AMOTL2: variants seen among roughly 807,000 people sequenced by gnomAD.
AMOTL2 encodes the protein angiomotin like 2.
In AMOTL2, 33 loss-of-function variants were observed where a neutral mutation model predicts 78.4. The ratio of observed to expected loss-of-function variants is 0.42; its 90% CI spans 0.32 to 0.56. The LOEUF (loss-of-function observed/expected upper bound fraction) is 0.56, where lower values mean the gene tolerates loss of function less well. AMOTL2 is among the 20% of genes least tolerant of loss of function. AMOTL2 has a pLI of 0.12. For missense variants in AMOTL2, 983 were observed against 1,030.1 expected, an observed-to-expected ratio of 0.95 and a Z score of 0.63; for synonymous variants, 422 against 428.8, an observed-to-expected ratio of 0.98 and a Z score of 0.20.
intron 5 of AMOTL2, among the ~76,000 whole-genome samples, chr3:134,364,294 C>A (rs2017512147): frequency 6.6e-6 from 1 of 152,052 alleles, no homozygotes; most frequent in African/African-American, 2.4e-5. Flanking sequence ...TTAATGGCTC[C>A]AGCGAGGAGC....
At chr3:134,367,362 G>T in intron 3 of AMOTL2, 135 bp downstream of exon 3, 1 of 1,063,218 alleles carries the variant, frequency 9.4e-7, no homozygotes, top group Non-Finnish European at 1.4e-6. Context: ...GAGGGAGGTG[G>T]AAGACAGAGG....
chr3:134,365,859 G>C lies in AMOTL2; in HGVS notation c.1237C>G (p.Gln413Glu), dbSNP rs751234411. The change falls in exon 5 of 10, where the codon CAG (glutamine) becomes GAG (glutamate). Residue 413 changes from glutamine to glutamate, a missense_variant. By Grantham distance (29) the Gln-to-Glu change is conservative (BLOSUM62 2). Transcript: ENST00000249883. ...GCCACCATGTCCTGACTGCCGGCCT[G>C]GGCCTCCTGTGTCTTGCTTGCCAGG... is the stretch of plus-strand genomic sequence containing the variant. ...RRLASKTQEA[Q>E]AGSQDMVAKL... 1.2e-6 allele frequency: 2 copies of C among 1,614,184 alleles called. No individual in the cohort carries two copies. The highest frequency in any genetic ancestry group is 8.5e-7 in the Non-Finnish European group (1 of 1,180,028).
Position 134,371,033 on chromosome 3 carries a change from C to T in AMOTL2, c.401G>A (p.Arg134His), listed in dbSNP as rs775267946. The T allele has an allele frequency of 3.1e-6, 5 of 1,606,118 alleles. No individual in the cohort carries two copies. The highest frequency in any genetic ancestry group is 4.5e-5 in the East Asian group (2 of 44,498). Residue 134 changes from arginine (R) to histidine (H), a missense_variant, in exon 2 of 10, where the codon CGT becomes CAT. Transcript: ENST00000249883. ...TRPHAGDRDP[R>H]GAPGGSRRQD... is the part of the protein sequence containing the mutation. Reference sequence around the variant, plus strand: ...CCTCCGACTGCCTCCCGGGGCCCCACGGGGATCTCGGTCCCCCGCATGTGG... The same window carrying T: ...CCTCCGACTGCCTCCCGGGGCCCCATGGGGATCTCGGTCCCCCGCATGTGG...
Position 134,367,902 on chromosome 3 carries a change from A to G in AMOTL2, c.735-99T>C, listed in dbSNP as rs746915260. ...CCCCACTCCTAGGCATACTGGGAAGATGGTTAATTATTATCAATAATTAAT... is the reference window on the plus strand; with the variant it reads ...CCCCACTCCTAGGCATACTGGGAAGGTGGTTAATTATTATCAATAATTAAT... On this transcript the variant is annotated intron_variant, in intron 2 of 9. Coordinates refer to ENST00000249883, the MANE Select transcript of AMOTL2 (RefSeq NM_016201.4). The G allele has an allele frequency of 9.0e-6, 8 of 888,876 alleles. No homozygotes were observed. The South Asian group carries it at 1.0e-4, about 11-fold the overall frequency. The allele number at this position is 888,876 out of a possible 1,614,324, so 55.1% of individuals were successfully genotyped here.
chr3:134,372,694 C>T (rs1452614120), intron 1 of AMOTL2, among the ~76,000 whole-genome samples: 2 of 152,100 alleles, frequency 1.3e-5, no homozygotes, highest in African/African-American at 2.4e-5. Context: ...TAAGGGGAGG[C>T]TGTTGGTTGA....
In AMOTL2 at chr3:134,365,838, C is replaced by G. The variant is rs776102853; in HGVS notation, c.1258G>C (p.Val420Leu). Reference protein sequence around the residue: ...QEAQAGSQDMVAKLLAQSYEQ... With the variant: ...QEAQAGSQDMLAKLLAQSYEQ... ...TCACTCTGAGCAAGCAGCTTGGCCACCATGTCCTGACTGCCGGCCTGGGCC... is the reference window on the plus strand; with the variant it reads ...TCACTCTGAGCAAGCAGCTTGGCCAGCATGTCCTGACTGCCGGCCTGGGCC... Residue 420 changes from valine (V) to leucine (L), a missense_variant, in exon 5 of 10, where the codon GTG becomes CTG. Physicochemically the swap from Val to Leu is conservative, Grantham distance 32 (BLOSUM62 1). Coordinates refer to ENST00000249883, the MANE Select transcript of AMOTL2 (RefSeq NM_016201.4). 1.2e-6 allele frequency: 2 copies of G among 1,614,030 alleles called. No individual in the cohort carries two copies. The highest frequency in any genetic ancestry group is 3.3e-5 in the Admixed American group (2 of 60,012).
upstream of AMOTL2, chr3:134,374,818 C>G: frequency 9.4e-7 from 1 of 1,069,374 alleles, no homozygotes; most frequent in African/African-American, 1.7e-5. Flanking sequence ...CCGCTCTCAC[C>G]CTTCATCCCT....
upstream of AMOTL2, chr3:134,375,266 C>A: frequency 6.5e-7 from 1 of 1,533,840 alleles, no homozygotes; most frequent in Non-Finnish European, 8.7e-7. Context: ...ACGCAGAGTG[C>A]AAGGTGTGCC....
chr3:134,360,480 G>T, intron 6 of AMOTL2, 67 bp from the exon 7 acceptor site: 4 of 1,343,118 alleles, frequency 3.0e-6, no homozygotes, highest in Non-Finnish European at 3.1e-6. Flanking sequence ...ACTGGTCTTC[G>T]CCTCCACACG....
chr3:134,363,530 G>A (rs1231716809), intron 5 of AMOTL2, among the ~76,000 whole-genome samples: 1 of 152,202 alleles, frequency 6.6e-6, no homozygotes, highest in African/African-American at 2.4e-5. Context: ...CTTATAGCTG[G>A]AGAATCTGGG....
chr3:134,358,862 C>A, intron 8 of AMOTL2, 143 bp from the exon 9 acceptor site: 1 of 969,484 alleles, frequency 1.0e-6, no homozygotes, highest in South Asian at 1.6e-5. Flanking sequence ...TAAAAATGCT[C>A]CTATTTTCAA....
In AMOTL2 at chr3:134,367,516, T is replaced by G; in HGVS notation, c.1022A>C (p.Lys341Thr). The G allele has an allele frequency of 6.2e-7, 1 of 1,612,342 alleles. No individual in the cohort carries two copies. The highest frequency in any genetic ancestry group is 8.5e-7 in the Non-Finnish European group (1 of 1,179,970). ...LQRELESSAE[K>T]AGRIEKLESE... ...GCCTACCTTCTCAATGCGGCCAGCC[T>G]TCTCCGCAGAGCTCTCCAGCTCCCT... The change falls in exon 3 of 10, where the codon AAG becomes ACG. Residue 341 changes from lysine to threonine, a missense_variant. Transcript: ENST00000249883.
intron 5 of AMOTL2, 140 bp from the exon 6 acceptor site, chr3:134,361,947 A>G (rs1330907954): frequency 2.6e-6 from 2 of 781,706 alleles, no homozygotes; most frequent in Non-Finnish European, 3.9e-6. Flanking sequence ...TACCACTATT[A>G]ACCCTGTTTC....
intron 1 of AMOTL2, among the ~76,000 whole-genome samples, chr3:134,372,828 C>T (rs1400199218): frequency 6.6e-6 from 1 of 151,992 alleles, no homozygotes; most frequent in Non-Finnish European, 1.5e-5. Flanking sequence ...GCCTGCCTCT[C>T]TCACCCAGCT....
intron 2 of AMOTL2, among the ~76,000 whole-genome samples, chr3:134,369,393 G>A (rs1414720892): frequency 3.9e-5 from 6 of 152,038 alleles, no homozygotes; most frequent in African/African-American, 9.7e-5. Context: ...CTTTCTCCTC[G>A]TCCTCTCCCT....
At chr3:134,375,124 T>C, upstream of AMOTL2, 1 of 1,524,700 alleles carries the variant, frequency 6.6e-7, no homozygotes, top group Non-Finnish European at 8.8e-7. Context: ...CCAGCTATTT[T>C]ACGACCGTCT....
intron 1 of AMOTL2, chr3:134,373,691 G>A (rs2017969270): frequency 2.0e-6 from 2 of 985,480 alleles, no homozygotes; most frequent in Non-Finnish European, 1.2e-6. Flanking sequence ...CGGACCTGGA[G>A]CACCGGTGGC....
upstream of AMOTL2, chr3:134,375,081 C>A (rs954474401): frequency 1.9e-5 from 28 of 1,480,290 alleles, no homozygotes; most frequent in South Asian, 3.6e-4. Flanking sequence ...CAGCGGCAAC[C>A]TTTGAATGCA....
intron 9 of AMOTL2, among the ~76,000 whole-genome samples, chr3:134,358,009 A>G (rs2017148121): frequency 1.3e-5 from 2 of 152,144 alleles, no homozygotes. Flanking sequence ...GGGCTTAGAG[A>G]GAGCAATGGA....
Sources: gnomAD v4.1 joint callset for allele counts (sites outside exome capture counted in the v4.1 genomes callset) on GRCh38, gnomAD v4.1.1 for gene constraint, MANE v1.5 for transcripts, NCBI Gene and HGNC (gene_info 2026-07-23, HGNC 2026-07-21) for gene names.